ATP2C1: variants seen among roughly 807,000 people sequenced by gnomAD.
ATP2C1 encodes ATPase secretory pathway Ca2+ transporting 1, also known as calcium-transporting ATPase type 2C member 1.
Under a neutral mutation model 120.5 loss-of-function variants are expected in ATP2C1, and 31 were observed. The ratio of observed to expected loss-of-function variants is 0.26; its 90% CI spans 0.19 to 0.35. The LOEUF (loss-of-function observed/expected upper bound fraction) is 0.35. ATP2C1 is among the 10% of genes least tolerant of loss of function. ATP2C1 has a pLI of 1.00. For missense variants in ATP2C1, 731 were observed against 1,107.5 expected, an observed-to-expected ratio of 0.66 and a Z score of 4.83; for synonymous variants, 351 against 358.7, an observed-to-expected ratio of 0.98 and a Z score of 0.24.
At chr3:130,976,306 A>G (rs2061526668) in intron 18 of ATP2C1, among the ~76,000 whole-genome samples, 1 of 152,144 alleles carries the variant, frequency 6.6e-6, no homozygotes, top group Admixed American at 6.5e-5. Context: ...TTCTGTTCTT[A>G]AAATAAACTA....
intron 16 of ATP2C1, among the ~76,000 whole-genome samples, chr3:130,968,207 T>G (rs1295988959): frequency 6.6e-6 from 1 of 152,202 alleles, no homozygotes; most frequent in Non-Finnish European, 1.5e-5. Context: ...TATCATTTGG[T>G]CTCCTTACAA....
At chr3:131,003,530 TTAGG>T (rs2062986433), downstream of ATP2C1, among the ~76,000 whole-genome samples, 1 of 152,196 alleles carries the variant, frequency 6.6e-6, no homozygotes, top group South Asian at 2.1e-4. Context: ...AATTCACTGA[TTAGG>T]TAAACAGTTC....
chr3:131,001,311 G>A lies in ATP2C1; in HGVS notation c.2721G>A (p.Lys907=), dbSNP rs1335076623. 6.2e-7 allele frequency: 1 copy of A among 1,613,636 alleles called. No homozygotes were observed. The highest frequency in any genetic ancestry group is 1.1e-5 in the South Asian group (1 of 91,070). The change falls in exon 28 of 28, where the codon AAG becomes AAA. Residue 907 remains lysine, a synonymous_variant. Transcript: ENST00000510168. The part of the protein sequence containing the change: ...KVERSREKIQ[K]HVSSTSSSFL... ...AAAGGAGCAGGGAAAAGATCCAGAA[G>A]CATGTTAGTTCGACATCATCATCTT...
intron 13 of ATP2C1, 51 bp from the exon 14 acceptor site, chr3:130,964,897 C>G: frequency 7.5e-7 from 1 of 1,339,512 alleles, no homozygotes; most frequent in Non-Finnish European, 1.1e-6. Context: ...TTAAGTGAAC[C>G]TATATTTCTC....
chr3:130,851,868 T>C (rs2067687954), intron 1 of ATP2C1, among the ~76,000 whole-genome samples: 1 of 152,232 alleles, frequency 6.6e-6, no homozygotes, highest in South Asian at 2.1e-4. Flanking sequence ...CCTGTATTTT[T>C]TTCTCCTTTG....
upstream of ATP2C1, among the ~76,000 whole-genome samples, chr3:130,891,682 T>C (rs1052700830): frequency 7.9e-5 from 12 of 152,228 alleles, no homozygotes; most frequent in Admixed American, 5.9e-4. Context: ...CTTATACTTC[T>C]ATAGTGCTTA....
intron 17 of ATP2C1, among the ~76,000 whole-genome samples, chr3:130,975,048 T>TA (rs1312682215): frequency 2.6e-5 from 4 of 152,210 alleles, no homozygotes; most frequent in Admixed American, 2.6e-4. Flanking sequence ...CATTTCCTGT[T>TA]ATGTTGCAGT....
chr3:130,859,323 A>C (rs1345844757), intron 1 of ATP2C1, among the ~76,000 whole-genome samples: 1 of 152,214 alleles, frequency 6.6e-6, no homozygotes, highest in African/African-American at 2.4e-5. Flanking sequence ...GGTAAAAAAC[A>C]AAAGTTACAT....
At chr3:131,016,601 A>G in exon 27 of ATP2C1, 1 of 478,562 alleles carries the variant, frequency 2.1e-6, no homozygotes, top group African/African-American at 1.9e-5. Flanking sequence ...CTGGTCTACT[A>G]CCTGACCATA....
At chr3:130,896,530 A>G (rs2069645620) in intron 2 of ATP2C1, among the ~76,000 whole-genome samples, 1 of 152,054 alleles carries the variant, frequency 6.6e-6, no homozygotes, top group South Asian at 2.1e-4. Flanking sequence ...TAGCCTAGAA[A>G]TTTTCAAAAG....
In ATP2C1 at chr3:130,964,942, C is replaced by T. The variant is rs2108640294; in HGVS notation, c.1025-6C>T. The T allele has an allele frequency of 6.2e-7, 1 of 1,603,514 alleles. No homozygotes were observed. The highest frequency in any genetic ancestry group is 1.7e-5 in the Admixed American group (1 of 59,808). On this transcript the variant is annotated splice_polypyrimidine_tract_variant and splice_region_variant and intron_variant, in intron 13 of 27. Coordinates refer to ENST00000510168, the MANE Select transcript of ATP2C1 (RefSeq NM_001378687.1). Reference sequence around the variant, plus strand: ...TTTGGTGACTTGTAATGATTTAATTCTTTAGGCTGCTGTAATGTGATTTGT... The same window carrying T: ...TTTGGTGACTTGTAATGATTTAATTTTTTAGGCTGCTGTAATGTGATTTGT...
chr3:130,889,275 T>A (rs777993800), upstream of ATP2C1, among the ~76,000 whole-genome samples: 3 of 152,204 alleles, frequency 2.0e-5, no homozygotes, highest in African/African-American at 7.2e-5. Flanking sequence ...CTCAATACAG[T>A]GGCCCTACCA....
downstream of ATP2C1, among the ~76,000 whole-genome samples, chr3:131,005,748 T>A (rs1222448417): frequency 1.3e-5 from 2 of 152,236 alleles, no homozygotes; most frequent in African/African-American, 4.8e-5. Context: ...TTAAAAACTT[T>A]CCTTTAGCAT....
chr3:130,991,148 A>G (rs561860018), intron 20 of ATP2C1, among the ~76,000 whole-genome samples: 44 of 152,278 alleles, frequency 2.9e-4, no homozygotes, highest in African/African-American at 1.0e-3. Context: ...AGGCATCAAG[A>G]GGGATCAGGA....
chr3:130,908,079 A>T (rs1253296130), intron 2 of ATP2C1, among the ~76,000 whole-genome samples: 1 of 152,106 alleles, frequency 6.6e-6, no homozygotes, highest in African/African-American at 2.4e-5. Flanking sequence ...GAGTGTAGTG[A>T]TGACTAGTCT....
chr3:131,009,954 TC>T (rs2063254456), intron 26 of ATP2C1, among the ~76,000 whole-genome samples: 1 of 152,078 alleles, frequency 6.6e-6, no homozygotes, highest in Non-Finnish European at 1.5e-5. Flanking sequence ...TTATGGAACT[TC>T]CTGGTCTTGG....
intron 17 of ATP2C1, among the ~76,000 whole-genome samples, chr3:130,972,969 T>TA (rs1392028320): frequency 6.6e-6 from 1 of 151,416 alleles, no homozygotes; most frequent in Non-Finnish European, 1.5e-5. Context: ...CCAAAAACCA[T>TA]AAAAAAGACA....
chr3:130,941,770 T>C (rs2059931160), intron 8 of ATP2C1, 71 bp downstream of exon 8: 2 of 1,233,130 alleles, frequency 1.6e-6, no homozygotes, highest in Non-Finnish European at 2.4e-6. Context: ...ATTACTAGTT[T>C]TAAGGAATTA....
At chr3:130,911,961 A>G (rs1164636424) in intron 2 of ATP2C1, among the ~76,000 whole-genome samples, 1 of 134,296 alleles carries the variant, frequency 7.4e-6, no homozygotes, top group East Asian at 2.1e-4. Context: ...ATCTACAACT[A>G]TCTGATCTTT....
Sources: allele counts gnomAD v4.1 joint callset (sites outside exome capture counted in the v4.1 genomes callset), GRCh38; gene constraint gnomAD v4.1.1; transcripts MANE v1.5; gene names NCBI Gene and HGNC (gene_info 2026-07-23, HGNC 2026-07-21).